The following BABAM2 variants were observed in gnomAD, a reference collection of about 807,000 sequenced individuals.
BABAM2 encodes BRISC and BRCA1 A complex member 2, also known as BRISC and BRCA1-A complex member 2.
In BABAM2, 31 loss-of-function variants were observed where a neutral mutation model predicts 54.7. The observed-to-expected ratio is 0.57, with a 90% CI of 0.43 to 0.77. The LOEUF is 0.77. Among genes scored for constraint, BABAM2 ranks in the 30% least tolerant of loss-of-function variants. The pLI, the probability that BABAM2 is intolerant of heterozygous loss-of-function variation, is 0.00. For missense variants in BABAM2, 364 were observed against 455.8 expected (o/e 0.80, Z 1.83); for synonymous variants, 167 against 162.9 (o/e 1.03, Z -0.19).
intron 10 of BABAM2, among the ~76,000 whole-genome samples, chr2:28,266,103 G>C (rs1168413011): frequency 6.6e-6 from 1 of 151,992 alleles, no homozygotes; most frequent in Admixed American, 6.5e-5. Context: ...TCATGCCTCA[G>C]CCTCCCAAGT....
At chr2:28,286,536 G>C (rs1290849987) in intron 10 of BABAM2, among the ~76,000 whole-genome samples, 2 of 152,034 alleles carry the variant, frequency 1.3e-5, no homozygotes, top group Non-Finnish European at 2.9e-5. Context: ...CCCTCGCTGG[G>C]CCTCTACGGT....
chr2:28,061,139 A>C (rs1472624151), intron 6 of BABAM2, among the ~76,000 whole-genome samples: 2 of 152,208 alleles, frequency 1.3e-5, no homozygotes, highest in Non-Finnish European at 2.9e-5. Flanking sequence ...ATATACCAGT[A>C]TAGATCATTG....
At chr2:28,265,172 C>T (rs1323874671) in intron 10 of BABAM2, among the ~76,000 whole-genome samples, 1 of 152,164 alleles carries the variant, frequency 6.6e-6, no homozygotes, top group African/African-American at 2.4e-5. Context: ...CGCGGTGGCT[C>T]ATGTCTGTAA....
intron 11 of BABAM2, among the ~76,000 whole-genome samples, chr2:28,316,208 A>G (rs926991553): frequency 2.0e-5 from 3 of 152,148 alleles, no homozygotes; most frequent in East Asian, 3.9e-4. Flanking sequence ...CAGGTCAGGA[A>G]TCAGCCAGAA....
intron 5 of BABAM2, among the ~76,000 whole-genome samples, chr2:28,038,088 A>C (rs1676796487): frequency 6.6e-6 from 1 of 152,236 alleles, no homozygotes. Flanking sequence ...AATGCAAGGA[A>C]AAACTAAAAC....
chr2:28,061,047 T>C (rs1226460513), intron 6 of BABAM2, among the ~76,000 whole-genome samples: 1 of 152,062 alleles, frequency 6.6e-6, no homozygotes, highest in Non-Finnish European at 1.5e-5. Flanking sequence ...AGAACAAAAT[T>C]GGAGGACTCA....
chr2:28,316,115 C>T (rs1689530943), intron 11 of BABAM2, among the ~76,000 whole-genome samples: 1 of 151,984 alleles, frequency 6.6e-6, no homozygotes, highest in South Asian at 2.1e-4. Flanking sequence ...GTAAGTATGC[C>T]CCATGCAGTA....
intron 6 of BABAM2, among the ~76,000 whole-genome samples, chr2:28,061,526 A>G (rs1490972224): frequency 6.7e-6 from 1 of 148,734 alleles, no homozygotes; most frequent in Admixed American, 6.7e-5. Flanking sequence ...CGGAGCTTGC[A>G]CTGAGCTGAG....
At chr2:28,026,897 AATAT>A (rs1274431507) in intron 5 of BABAM2, among the ~76,000 whole-genome samples, 2 of 20,624 alleles carry the variant, frequency 9.7e-5, no homozygotes, top group East Asian at 6.0e-4. Flanking sequence ...GATATATATA[AATAT>A]ATATAAATAT....
At chr2:28,009,014 G>A (rs1178909304) in intron 4 of BABAM2, among the ~76,000 whole-genome samples, 1 of 152,148 alleles carries the variant, frequency 6.6e-6, no homozygotes, top group Non-Finnish European at 1.5e-5. Flanking sequence ...GCTCTAGTGG[G>A]TGGAGCTTTT....
At chr2:28,124,677 G>A (rs146825984) in intron 6 of BABAM2, among the ~76,000 whole-genome samples, 1 of 152,268 alleles carries the variant, frequency 6.6e-6, no homozygotes, top group East Asian at 1.9e-4. Context: ...GTTTCCATAT[G>A]CCAGATACTG....
intron 8 of BABAM2, among the ~76,000 whole-genome samples, chr2:28,240,667 C>T (rs982444877): frequency 3.3e-5 from 5 of 151,726 alleles, no homozygotes; most frequent in Admixed American, 6.6e-5. Flanking sequence ...GTCAGGAGTT[C>T]GAGACCAGCC....
chr2:28,069,956 G>A (rs1436112222), intron 6 of BABAM2, among the ~76,000 whole-genome samples: 1 of 152,288 alleles, frequency 6.6e-6, no homozygotes, highest in South Asian at 2.1e-4. Flanking sequence ...GCTCACTGCA[G>A]CCTCTAACTG....
intron 11 of BABAM2, among the ~76,000 whole-genome samples, chr2:28,311,983 G>A (rs1689127257): frequency 6.6e-6 from 1 of 152,186 alleles, no homozygotes; most frequent in African/African-American, 2.4e-5. Context: ...ATTTTCAGAT[G>A]TCAAGTTAAA....
intron 2 of BABAM2, among the ~76,000 whole-genome samples, chr2:27,925,031 G>A (rs1012729905): frequency 1.6e-4 from 25 of 152,294 alleles, no homozygotes; most frequent in African/African-American, 6.0e-4. Flanking sequence ...CACATTTGTA[G>A]ATTCCTCTCA....
At chr2:28,077,013 A>G (rs1037158554) in intron 6 of BABAM2, among the ~76,000 whole-genome samples, 1 of 152,190 alleles carries the variant, frequency 6.6e-6, no homozygotes, top group African/African-American at 2.4e-5. Context: ...AATGACTTAG[A>G]AAATCTGTAA....
Position 28,258,593 on chromosome 2 carries a change from A to C in BABAM2, c.934+13731A>C, listed in dbSNP as rs181463789. On this transcript the variant is annotated intron_variant, in intron 10 of 11. Transcript: ENST00000379624. ...AAGTTAATTTGTGAAGCATCTGCTT[A>C]AGTCTTTTTCTTTTTTCTTTTCTTT... Among the ~76,000 whole-genome samples, 190 of 134,190 alleles carry C rather than the reference A, an allele frequency of 1.4e-3. 2 individuals are homozygous for C. The highest frequency in any genetic ancestry group is 6.7e-3 in the Admixed American group (87 of 12,942). 88.0% of individuals were successfully genotyped at this position (134,190 alleles called of 152,430 possible).
In BABAM2 at chr2:28,042,474, A is replaced by G. The variant is rs554695574; in HGVS notation, c.496-3251A>G. Among the ~76,000 whole-genome samples the G allele has an allele frequency of 5.3e-4, 80 of 152,272 alleles. 2 individuals are homozygous for G. The highest frequency in any genetic ancestry group is 1.9e-3 in the African/African-American group (78 of 41,568). Reference sequence around the variant, plus strand: ...TGGGACTCTGGAAACCAAGTAAAGAATGTTCCAGGAAAGGAGTGATCAGCT... The same window carrying G: ...TGGGACTCTGGAAACCAAGTAAAGAGTGTTCCAGGAAAGGAGTGATCAGCT... On this transcript the variant is annotated intron_variant, in intron 5 of 11. Coordinates refer to ENST00000379624, the MANE Select transcript of BABAM2 (RefSeq NM_199191.3).
At chr2:28,183,738 A>ATCTC (rs767679472) in intron 7 of BABAM2, among the ~76,000 whole-genome samples, 104 of 113,632 alleles carry the variant, frequency 9.2e-4, no homozygotes, top group Middle Eastern at 3.9e-3. Flanking sequence ...TTGGATGAAG[A>ATCTC]TCACACACAC....
Sources: allele counts gnomAD v4.1 joint callset (sites outside exome capture counted in the v4.1 genomes callset), GRCh38; gene constraint gnomAD v4.1.1; transcripts MANE v1.5; gene names NCBI Gene and HGNC (gene_info 2026-07-23, HGNC 2026-07-21).